Variants in ZNF676 observed in about 807,000 individuals in gnomAD.
ZNF676 encodes the protein zinc finger protein 676.
ZNF676 carries 4 observed loss-of-function variants against 6.0 expected under a neutral mutation model. That is an observed-to-expected ratio of 0.67 (90% CI 0.33 to 1.53). ZNF676 has a LOEUF of 1.53. Among genes scored for constraint, ZNF676 ranks in the 40% most tolerant of loss-of-function variants. ZNF676 has a pLI of 0.06. For missense variants in ZNF676, 644 were observed against 679.7 expected (o/e 0.95, Z 0.58); for synonymous variants, 198 against 223.1 (o/e 0.89, Z 1.00).
At chr19:22,244,508 A>G in the ZNF676 span, 16 of 152,246 alleles carry the variant, frequency 1.1e-4, no homozygotes, top group African/African-American at 3.4e-4. Flanking sequence ...AATCCCAACT[A>G]TAAGTAGAAA....
chr19:22,197,547 C>T (rs527694386), upstream of ZNF676, among the ~76,000 whole-genome samples: 69 of 151,250 alleles, frequency 4.6e-4, 1 homozygote, highest in African/African-American at 1.6e-3. Flanking sequence ...GTTTTTGGCC[C>T]AAAAAGACTA....
At chr19:22,259,869 G>C in the ZNF676 span, 1 of 152,186 alleles carries the variant, frequency 6.6e-6, no homozygotes, top group Non-Finnish European at 1.5e-5. Flanking sequence ...CCAGGTAAGA[G>C]AAGAGAATCA....
At chr19:22,221,385 C>A in the ZNF676 span, among the ~76,000 whole-genome samples, 1 of 151,942 alleles carries the variant, frequency 6.6e-6, no homozygotes, top group East Asian at 1.9e-4. Flanking sequence ...TTTGAGTGTT[C>A]CTATTTGAAT....
At chr19:22,238,661 T>A in the ZNF676 span, among the ~76,000 whole-genome samples, 2 of 152,160 alleles carry the variant, frequency 1.3e-5, no homozygotes, top group Non-Finnish European at 2.9e-5. Flanking sequence ...TGTGCGTATA[T>A]ATACATATAT....
intron 1 of ZNF676, among the ~76,000 whole-genome samples, chr19:22,215,240 C>T (rs1477350670): frequency 6.6e-6 from 1 of 151,926 alleles, no homozygotes; most frequent in Non-Finnish European, 1.5e-5. Context: ...ATTTTTTCGG[C>T]GACTTCCATA....
chr19:22,222,686 T>C, the ZNF676 span, among the ~76,000 whole-genome samples: 2 of 152,116 alleles, frequency 1.3e-5, no homozygotes, highest in African/African-American at 2.4e-5. Context: ...TGGGCCCCCA[T>C]ATTTATAGGA....
chr19:22,215,070 A>C (rs2606262), intron 1 of ZNF676, among the ~76,000 whole-genome samples: 1 of 149,860 alleles, frequency 6.7e-6, no homozygotes, highest in African/African-American at 2.5e-5. Flanking sequence ...ACAACAAAAA[A>C]CCAGGAAACT....
rs765977752 is a variant in ZNF676 at position 22,181,452 on chromosome 19, C to T, written c.265G>A (p.Asp89Asn). Residue 89 changes from aspartate (D) to asparagine (N), a missense_variant, in exon 3 of 3, where the codon GAT (aspartate) becomes AAT (asparagine). This residue lies in a region of ZNF676 where 280 missense variants were observed against 269.3 expected (regional missense o/e 1.04). Coordinates refer to ENST00000397121, the MANE Select transcript of ZNF676 (RefSeq NM_001001411.3). ...CCTTCTTTGTGCACGTTACACTCATCCACATTGGTACAACTAATTTTTAAG... is the reference window on the plus strand; with the variant it reads ...CCTTCTTTGTGCACGTTACACTCATTCACATTGGTACAACTAATTTTTAAG... ...LHLKISCTNV[D>N]ECNVHKEGYN... is the part of the protein sequence containing the mutation. 6.2e-7 allele frequency: 1 copy of T among 1,613,676 alleles called. No individual in the cohort carries two copies. Among genetic ancestry groups the T allele is most frequent in the Non-Finnish European group, 8.5e-7 (1 of 1,179,796 alleles).
intron 1 of ZNF676, chr19:22,215,490 G>T: frequency 1.0e-6 from 1 of 962,742 alleles, no homozygotes; most frequent in Non-Finnish European, 1.6e-6. Context: ...CCATCTTATG[G>T]CTGAAGGGGA....
chr19:22,196,488 T>C (rs2023967831), intron 1 of ZNF676, 112 bp downstream of exon 1: 17 of 1,588,558 alleles, frequency 1.1e-5, no homozygotes, highest in Non-Finnish European at 1.4e-5. Flanking sequence ...ATATACTCTT[T>C]TGTCTTTGTC....
chr19:22,197,611 T>A (rs564793363), upstream of ZNF676, among the ~76,000 whole-genome samples: 11 of 152,266 alleles, frequency 7.2e-5, no homozygotes, highest in African/African-American at 2.6e-4. Context: ...TTTTTCTGGT[T>A]TGTAAACAAA....
the ZNF676 span, among the ~76,000 whole-genome samples, chr19:22,238,232 A>G: frequency 2.0e-5 from 3 of 152,082 alleles, no homozygotes; most frequent in East Asian, 5.8e-4. Flanking sequence ...TTGTATTTTC[A>G]GTAGAGAGGG....
intron 2 of ZNF676, among the ~76,000 whole-genome samples, chr19:22,188,448 C>A (rs2023866031): frequency 6.6e-6 from 1 of 152,092 alleles, no homozygotes; most frequent in South Asian, 2.1e-4. Context: ...TGAAAACTGG[C>A]ACAAGACAAG....
At chr19:22,182,168 CATAA>C (rs1024952349) in intron 2 of ZNF676, among the ~76,000 whole-genome samples, 5 of 151,980 alleles carry the variant, frequency 3.3e-5, no homozygotes, top group South Asian at 2.1e-4. Flanking sequence ...TCAGAAGAAA[CATAA>C]ATAGTCTCTT....
At chr19:22,242,479 C>T in the ZNF676 span, among the ~76,000 whole-genome samples, 1 of 151,960 alleles carries the variant, frequency 6.6e-6, no homozygotes, top group Admixed American at 6.5e-5. Flanking sequence ...ACAAGGCCTC[C>T]TGTGGACAGG....
At chr19:22,228,546 G>C in the ZNF676 span, among the ~76,000 whole-genome samples, 8 of 152,134 alleles carry the variant, frequency 5.3e-5, no homozygotes, top group Admixed American at 5.2e-4. Flanking sequence ...ATTCAAATAG[G>C]AAAAGAGGAA....
At chr19:22,183,863 A>G (rs1376202105) in intron 2 of ZNF676, among the ~76,000 whole-genome samples, 5 of 152,230 alleles carry the variant, frequency 3.3e-5, no homozygotes, top group Non-Finnish European at 7.3e-5. Flanking sequence ...CCAAAGAGAC[A>G]AAGAAAGATA....
chr19:22,180,064 G>C lies in ZNF676; in HGVS notation c.1653C>G (p.His551Gln). 1 of 1,606,678 alleles carries C rather than the reference G, an allele frequency of 6.2e-7. No individual in the cohort carries two copies. The highest frequency in any genetic ancestry group is 8.5e-7 in the Non-Finnish European group (1 of 1,177,080). ...GTTTCTCTCCAGTATGAATTCTCTT[G>C]TGTCTAGTAAGGCTTGAGGATCTGC... ...AFSRSSSLTR[H>Q]KRIHTGEKPY... The change falls in exon 3 of 3, where the codon CAC becomes CAG. Residue 551 changes from histidine to glutamine, a missense_variant. This residue lies in a region of ZNF676 where 306 missense variants were observed against 265.4 expected (regional missense o/e 1.15). Coordinates refer to ENST00000397121, the MANE Select transcript of ZNF676 (RefSeq NM_001001411.3).
In ZNF676 at chr19:22,180,312, T is replaced by C. The variant is rs200365534; in HGVS notation, c.1405A>G (p.Arg469Gly). The change falls in exon 3 of 3, where the codon AGA (arginine) becomes GGA (glycine). Residue 469 changes from arginine (R) to glycine (G), a missense_variant. Arg to Gly is a moderately radical substitution (Grantham distance 125). Around this residue, in one of 5 missense-constraint regions of ZNF676, gnomAD observed 306 missense variants for 265.4 expected, o/e 1.15. Coordinates refer to ENST00000397121, the MANE Select transcript of ZNF676 (RefSeq NM_001001411.3). ...TAAGGTTTCTCTGCAGCATGAATTC[T>C]CTTGTGTTTAGTAAAGCTTGAGGAC... ...TWSSSFTKHK[R>G]IHAAEKPYKC... 5.9e-4 allele frequency: 945 copies of C among 1,612,788 alleles called. 2 individuals carry two copies. Among genetic ancestry groups the C allele is most frequent in the Non-Finnish European group, 7.3e-4 (866 of 1,178,872 alleles).
Sources: gnomAD v4.1 joint callset for allele counts (sites outside exome capture counted in the v4.1 genomes callset) on GRCh38, gnomAD v4.1.1 for gene constraint, gnomAD v4.1.1 regional missense constraint, MANE v1.5 for transcripts, NCBI Gene and HGNC (gene_info 2026-07-23, HGNC 2026-07-21) for gene names.